The following SORBS2 variants were observed in gnomAD, a reference collection of about 807,000 sequenced individuals.
SORBS2 encodes sorbin and SH3 domain containing 2, also known as sorbin and SH3 domain-containing protein 2.
A neutral mutation model predicts 97.7 loss-of-function variants in SORBS2; 46 were observed. The observed-to-expected ratio is 0.47, with a 90% confidence interval of 0.37 to 0.60. The LOEUF (loss-of-function observed/expected upper bound fraction) is 0.60. Among genes scored for constraint, SORBS2 ranks in the 20% least tolerant of loss-of-function variants. SORBS2 has a pLI of 0.00. For synonymous variants in SORBS2, 476 were observed against 473.4 expected (o/e 1.01, Z -0.07); for missense variants, 1,316 against 1,282.3 (o/e 1.03, Z -0.40).
intron 4 of SORBS2, among the ~76,000 whole-genome samples, chr4:185,670,029 G>A (rs2097686640): frequency 6.6e-6 from 1 of 152,070 alleles, no homozygotes. Flanking sequence ...GACCAGCCTG[G>A]ACAACATGGT....
chr4:185,656,221 C>T (rs1438236197), intron 1 of SORBS2, among the ~76,000 whole-genome samples: 3 of 152,186 alleles, frequency 2.0e-5, no homozygotes, highest in Non-Finnish European at 4.4e-5. Flanking sequence ...TCACATTCAA[C>T]GTTTCCTCAA....
intron 12 of SORBS2, among the ~76,000 whole-genome samples, chr4:185,602,298 G>A (rs1260262608): frequency 6.6e-6 from 1 of 151,574 alleles, no homozygotes; most frequent in Non-Finnish European, 1.5e-5. Context: ...ATGAGCCACC[G>A]TGCCCAGCCA....
intron 13 of SORBS2, 85 bp downstream of exon 25, chr4:185,593,801 A>G (rs2096016953): frequency 1.2e-6 from 1 of 847,224 alleles, no homozygotes; most frequent in Non-Finnish European, 2.0e-6. Context: ...TCACGTGCAA[A>G]GCCATACATC....
At chr4:185,777,523 A>G (rs1315582602) in intron 1 of SORBS2, among the ~76,000 whole-genome samples, 1 of 152,254 alleles carries the variant, frequency 6.6e-6, no homozygotes, top group Non-Finnish European at 1.5e-5. Context: ...ACAAAGATCA[A>G]CATAACCCAC....
chr4:185,606,907 T>C lies in SORBS2; in HGVS notation c.2796+4873A>G. The C allele has an allele frequency of 1.0e-6, 1 of 989,122 alleles. No homozygotes were observed. The highest frequency in any genetic ancestry group is 1.2e-6 in the Non-Finnish European group (1 of 831,914). 61.3% of individuals were successfully genotyped at this position (989,122 alleles called of 1,614,324 possible). A position where few individuals can be genotyped will look rare whatever the true frequency, so the allele number is the denominator to read the frequency against. Reference sequence around the variant, plus strand: ...ATTATCCCCTAGGACTTCTGGTGCCTTTTTAGGGTCTGAGAAGCCCCTTCT... The same window carrying C: ...ATTATCCCCTAGGACTTCTGGTGCCCTTTTAGGGTCTGAGAAGCCCCTTCT... On this transcript the variant is annotated intron_variant, in intron 12 of 14. Coordinates refer to ENST00000418609, the Ensembl canonical transcript of SORBS2. This position sits in a 1 kb window ranked among gnomAD's most constrained non-coding sequence, Gnocchi z 4.3.
chr4:185,914,891 G>A (rs2099257236), intron 1 of SORBS2, among the ~76,000 whole-genome samples: 1 of 152,178 alleles, frequency 6.6e-6, no homozygotes. Context: ...TAATTAATAG[G>A]AAATGACTTT....
At chr4:185,870,190 G>T (rs1053696213) in intron 1 of SORBS2, among the ~76,000 whole-genome samples, 8 of 152,162 alleles carry the variant, frequency 5.3e-5, no homozygotes, top group African/African-American at 1.9e-4. Flanking sequence ...AAATGTTATT[G>T]TCGTTATCTA....
chr4:185,708,920 T>C (rs1248370283), intron 2 of SORBS2, among the ~76,000 whole-genome samples: 1 of 152,290 alleles, frequency 6.6e-6, no homozygotes, highest in East Asian at 1.9e-4. Context: ...GAATATTATT[T>C]CTGGATCTCC....
At chr4:185,928,768 G>A (rs1366368201) in intron 1 of SORBS2, among the ~76,000 whole-genome samples, 1 of 152,124 alleles carries the variant, frequency 6.6e-6, no homozygotes, top group African/African-American at 2.4e-5. Context: ...GGATGGTCTT[G>A]ATCTCCTGAC....
At chr4:185,949,517 G>A (rs2099276148) in intron 1 of SORBS2, among the ~76,000 whole-genome samples, 2 of 152,020 alleles carry the variant, frequency 1.3e-5, no homozygotes, top group South Asian at 2.1e-4. Flanking sequence ...TAAAGTCCAC[G>A]TGATTGCAAC....
At chr4:185,818,096 T>G (rs1166909775) in intron 1 of SORBS2, among the ~76,000 whole-genome samples, 1 of 152,218 alleles carries the variant, frequency 6.6e-6, no homozygotes, top group Non-Finnish European at 1.5e-5. Flanking sequence ...AAATAAACTA[T>G]GCGTGCTTGC....
intron 13 of SORBS2, among the ~76,000 whole-genome samples, chr4:185,591,571 T>C (rs1008692713): frequency 2.6e-5 from 4 of 152,242 alleles, no homozygotes; most frequent in Admixed American, 1.3e-4. Context: ...TGGTATCTTT[T>C]GTGTATCTGT....
chr4:185,752,437 A>C (rs548558074), intron 2 of SORBS2, among the ~76,000 whole-genome samples: 11 of 151,990 alleles, frequency 7.2e-5, no homozygotes, highest in Admixed American at 7.2e-4. Flanking sequence ...CACCACACCC[A>C]GCTAATTTTT....
intron 1 of SORBS2, among the ~76,000 whole-genome samples, chr4:185,851,099 A>G (rs937159813): frequency 6.6e-6 from 1 of 152,214 alleles, no homozygotes; most frequent in Non-Finnish European, 1.5e-5. Context: ...AGCAATTTCT[A>G]TAATAAATCT....
At chr4:185,641,783 G>T (rs1315565878) in intron 4 of SORBS2, among the ~76,000 whole-genome samples, 1 of 147,152 alleles carries the variant, frequency 6.8e-6, no homozygotes, top group Non-Finnish European at 1.5e-5. Context: ...AAACCCACCA[G>T]CAAACCTCCG....
chr4:185,698,998 A>G (rs781298492), intron 2 of SORBS2, among the ~76,000 whole-genome samples: 2 of 152,178 alleles, frequency 1.3e-5, no homozygotes, highest in Non-Finnish European at 2.9e-5. Context: ...ACTGTTCTTA[A>G]AAAGCCACAC....
At chr4:185,870,137 G>T (rs1043039987) in intron 1 of SORBS2, among the ~76,000 whole-genome samples, 2 of 152,150 alleles carry the variant, frequency 1.3e-5, no homozygotes, top group South Asian at 4.1e-4. Context: ...TTGGGCCATT[G>T]TATGCTCTAA....
chr4:185,586,036 T>TAA (rs757214412), exon 15 of SORBS2: 5 of 152,006 alleles, frequency 3.3e-5, no homozygotes, highest in Non-Finnish European at 7.4e-5. Context: ...TGTCGCAGGA[T>TAA]AAAGACCAAA....
intron 1 of SORBS2, among the ~76,000 whole-genome samples, chr4:185,809,455 C>CAAAAAAAAAAAAAAAAAA (rs55713465): frequency 4.2e-5 from 2 of 47,290 alleles, no homozygotes; most frequent in African/African-American, 1.7e-4. Flanking sequence ...ACTGCATTTG[C>CAAAAAAAAAAAAAAAAAA]AAAAAAAAAA....
Sources: gnomAD v4.1 joint callset for allele counts (sites outside exome capture counted in the v4.1 genomes callset) on GRCh38, gnomAD v4.1.1 for gene constraint, Gnocchi (gnomAD v3.1) non-coding constraint, MANE v1.5 for transcripts, NCBI Gene and HGNC (gene_info 2026-07-23, HGNC 2026-07-21) for gene names.